The following PTPN11 variants were observed in gnomAD, a reference collection of about 807,000 sequenced individuals.
PTPN11 encodes the protein protein tyrosine phosphatase non-receptor type 11.
Under a neutral mutation model 78.8 loss-of-function variants are expected in PTPN11, and 6 were observed. The observed-to-expected ratio is 0.08, with a 90% CI of 0.04 to 0.15. The LOEUF is 0.15. PTPN11 is among the 10% of genes least tolerant of loss of function. The pLI is 1.00. For synonymous variants in PTPN11, 221 were observed against 263.5 expected (o/e 0.84, Z 1.56); for missense variants, 386 against 744.8 (o/e 0.52, Z 5.61).
At chr12:112,483,187 CTTT>C (rs576813489) in intron 10 of PTPN11, among the ~76,000 whole-genome samples, 2 of 130,804 alleles carry the variant, frequency 1.5e-5, no homozygotes, top group Admixed American at 7.7e-5. Flanking sequence ...GGGGAAGGGA[CTTT>C]TTTTTTTTTT....
intron 4 of PTPN11, among the ~76,000 whole-genome samples, chr12:112,454,173 A>G (rs1475358673): frequency 6.6e-6 from 1 of 152,052 alleles, no homozygotes; most frequent in Non-Finnish European, 1.5e-5. Context: ...TCTGTCTCCC[A>G]GGCTGAAGCA....
chr12:112,505,627 A>C (rs1284790170), intron 15 of PTPN11, among the ~76,000 whole-genome samples, 198 bp from the exon 16 acceptor site: 1 of 134,628 alleles, frequency 7.4e-6, no homozygotes, highest in Admixed American at 8.9e-5. Flanking sequence ...ATTGCACTCC[A>C]CCTGGGCCAC....
At chr12:112,484,469 G>T (rs2038644046) in intron 10 of PTPN11, among the ~76,000 whole-genome samples, 1 of 152,182 alleles carries the variant, frequency 6.6e-6, no homozygotes, top group African/African-American at 2.4e-5. Flanking sequence ...CAGAGCACGG[G>T]GACTCCTGGC....
intron 1 of PTPN11, 83 bp downstream of exon 1, chr12:112,419,208 C>T (rs753811368): frequency 4.5e-6 from 6 of 1,320,608 alleles, no homozygotes; most frequent in Non-Finnish European, 5.8e-6. Context: ...GGGGGCGCCC[C>T]GGCCGGGCTT....
At chr12:112,473,689 A>AT (rs1239337855) in intron 7 of PTPN11, among the ~76,000 whole-genome samples, 2 of 151,200 alleles carry the variant, frequency 1.3e-5, no homozygotes, top group East Asian at 2.0e-4. Context: ...TCTACTAAAA[A>AT]TACAAAAATT....
chr12:112,446,519 T>C, intron 2 of PTPN11, 121 bp downstream of exon 2: 5 of 1,442,008 alleles, frequency 3.5e-6, no homozygotes, highest in South Asian at 1.2e-5. Flanking sequence ...AGCCCTGGGC[T>C]GCCTTCAGGG....
Position 112,450,899 on chromosome 12 carries a change from G to A in PTPN11, c.332+387G>A, listed in dbSNP as rs974605539. Among the ~76,000 whole-genome samples the A allele has an allele frequency of 1.3e-5, 2 of 152,160 alleles. 1 individual carries two copies. ...ATGGTGGCTCTCGACCAGTTATTCA[G>A]CAATGTCACCAACAGATGTCAGTTT... On this transcript the variant is annotated intron_variant, in intron 3 of 15. Transcript: ENST00000351677.
At chr12:112,468,658 G>T (rs942495999) in intron 6 of PTPN11, among the ~76,000 whole-genome samples, 1 of 152,154 alleles carries the variant, frequency 6.6e-6, no homozygotes, top group African/African-American at 2.4e-5. Flanking sequence ...GGGATGCAGG[G>T]GTGCCTCTCC....
At chr12:112,440,563 C>CTTTTTTT (rs772805515) in intron 1 of PTPN11, among the ~76,000 whole-genome samples, 1 of 90,712 alleles carries the variant, frequency 1.1e-5, no homozygotes, top group Non-Finnish European at 2.2e-5. Context: ...TGTGCCTGGC[C>CTTTTTTT]TTTTTTTTTT....
At chr12:112,470,614 TA>T (rs2038399743) in intron 6 of PTPN11, among the ~76,000 whole-genome samples, 1 of 152,170 alleles carries the variant, frequency 6.6e-6, no homozygotes, top group African/African-American at 2.4e-5. Context: ...TCACCTTGCA[TA>T]GTGATTGCTT....
At chr12:112,502,906 T>C (rs1343023593) in intron 14 of PTPN11, among the ~76,000 whole-genome samples, 1 of 152,222 alleles carries the variant, frequency 6.6e-6, no homozygotes, top group Non-Finnish European at 1.5e-5. Context: ...GTCATATGTC[T>C]TAATGATGTG....
chr12:112,478,879 C>T (rs112407300), intron 9 of PTPN11, among the ~76,000 whole-genome samples: 8,582 of 152,140 alleles, frequency 0.056, 318 homozygotes, highest in Middle Eastern at 0.16. Context: ...ACTACAGGTG[C>T]GTGCCACCAC....
chr12:112,477,590 T>C, intron 7 of PTPN11, 61 bp from the exon 8 acceptor site: 10 of 1,337,034 alleles, frequency 7.5e-6, no homozygotes, highest in Non-Finnish European at 1.1e-5. Flanking sequence ...GTAACTGATT[T>C]GAACTGTTTT....
intron 2 of PTPN11, 81 bp from the exon 3 acceptor site, chr12:112,450,237 C>T (rs143189981): frequency 6.0e-5 from 80 of 1,324,090 alleles, no homozygotes; most frequent in South Asian, 1.5e-4. Context: ...AGGTAAAATC[C>T]GACGTGGAAG....
intron 1 of PTPN11, among the ~76,000 whole-genome samples, chr12:112,445,655 T>G (rs2037981611): frequency 6.6e-6 from 1 of 151,558 alleles, no homozygotes; most frequent in African/African-American, 2.4e-5. Flanking sequence ...TTTTTTTTTT[T>G]TCTGAGATTG....
chr12:112,438,452 T>C (rs1347330055), intron 1 of PTPN11, among the ~76,000 whole-genome samples: 1 of 151,816 alleles, frequency 6.6e-6, no homozygotes, highest in East Asian at 1.9e-4. Context: ...GCCTCCTGAG[T>C]AGCTGGGACT....
At chr12:112,459,389 TGC>T (rs1566172014) in intron 6 of PTPN11, among the ~76,000 whole-genome samples, 1 of 152,014 alleles carries the variant, frequency 6.6e-6, no homozygotes. Flanking sequence ...TTTTCGACTC[TGC>T]CCCACTCACT....
chr12:112,446,761 G>A (rs1184294483), intron 2 of PTPN11, among the ~76,000 whole-genome samples: 1 of 149,234 alleles, frequency 6.7e-6, no homozygotes, highest in African/African-American at 2.5e-5. Context: ...TTTTTAAATA[G>A]AGGTGGGATC....
chr12:112,450,043 G>A (rs1351818000), intron 2 of PTPN11, among the ~76,000 whole-genome samples: 1 of 149,856 alleles, frequency 6.7e-6, no homozygotes, highest in African/African-American at 2.5e-5. Context: ...CCGAGATCAC[G>A]TCATTGCACT....
Sources: gnomAD v4.1 joint callset for allele counts (sites outside exome capture counted in the v4.1 genomes callset) on GRCh38, gnomAD v4.1.1 for gene constraint, MANE v1.5 for transcripts, NCBI Gene and HGNC (gene_info 2026-07-23, HGNC 2026-07-21) for gene names.